SGIP1: variants seen among roughly 807,000 people sequenced by gnomAD.
SGIP1 encodes SH3-containing GRB2-like protein 3-interacting protein 1.
SGIP1 carries 38 observed loss-of-function variants against 107.5 expected under a neutral mutation model. The ratio of observed to expected loss-of-function variants is 0.35; its 90% CI spans 0.27 to 0.46. The LOEUF (loss-of-function observed/expected upper bound fraction) is 0.46, where lower values mean the gene tolerates loss of function less well. Among genes scored for constraint, SGIP1 ranks in the 20% least tolerant of loss-of-function variants. SGIP1 has a pLI of 1.00. For missense variants in SGIP1, 929 were observed against 1,019.5 expected, an observed-to-expected ratio of 0.91 and a Z score of 1.21; for synonymous variants, 365 against 366.1, an observed-to-expected ratio of 1.00 and a Z score of 0.03.
intron 1 of SGIP1, among the ~76,000 whole-genome samples, chr1:66,583,436 G>A (rs139101995): frequency 2.0e-5 from 3 of 152,026 alleles, no homozygotes; most frequent in African/African-American, 4.8e-5. Flanking sequence ...ACGCACTTTC[G>A]TTCTTGTCAA....
chr1:66,682,308 C>T lies in SGIP1; in HGVS notation c.1254C>T (p.Thr418=). 6.2e-7 allele frequency: 1 copy of T among 1,614,220 alleles called. No individual in the cohort carries two copies. The highest frequency in any genetic ancestry group is 8.5e-7 in the Non-Finnish European group (1 of 1,180,028). Residue 418 remains threonine (T), a synonymous_variant, in exon 15 of 25, where the codon ACC becomes ACT. Coordinates refer to ENST00000371037, the MANE Select transcript of SGIP1 (RefSeq NM_032291.4). ...RATPPPPPPP[T]YRTVVSSPGP... ...CTCCACCTCCCCCACCACCACCCAC[C>T]TACAGGACTGTGGTTTCGTCCCCCG...
At chr1:66,714,583 G>A (rs1363737073) in intron 18 of SGIP1, among the ~76,000 whole-genome samples, 2 of 152,098 alleles carry the variant, frequency 1.3e-5, no homozygotes, top group Non-Finnish European at 2.9e-5. Context: ...GCTGTTTTCA[G>A]GGCAGTTTAT....
chr1:66,587,790 A>G (rs1234519547), intron 1 of SGIP1, among the ~76,000 whole-genome samples: 1 of 152,074 alleles, frequency 6.6e-6, no homozygotes, highest in African/African-American at 2.4e-5. Context: ...TTCTAATTTG[A>G]TCCTCTGTCA....
intron 20 of SGIP1, among the ~76,000 whole-genome samples, chr1:66,732,736 CTT>C (rs150404620): frequency 2.0e-5 from 3 of 150,016 alleles, no homozygotes; most frequent in Non-Finnish European, 4.5e-5. Context: ...AATTTTCTCT[CTT>C]TTTTTTTTAA....
chr1:66,698,117 TGTCA>T (rs1363183112), intron 18 of SGIP1, among the ~76,000 whole-genome samples: 1 of 152,208 alleles, frequency 6.6e-6, no homozygotes, highest in East Asian at 1.9e-4. Flanking sequence ...TAGATATCAT[TGTCA>T]GTCAATGTTT....
intron 1 of SGIP1, among the ~76,000 whole-genome samples, chr1:66,588,004 G>T (rs1372216153): frequency 6.6e-6 from 1 of 151,976 alleles, no homozygotes; most frequent in Non-Finnish European, 1.5e-5. Flanking sequence ...AACAAGAAGG[G>T]CAACAACAAC....
At chr1:66,691,134 C>G (rs1028625828) in intron 17 of SGIP1, among the ~76,000 whole-genome samples, 2 of 152,126 alleles carry the variant, frequency 1.3e-5, no homozygotes, top group Non-Finnish European at 2.9e-5. Context: ...ATGGGATCCC[C>G]GTTCCCCATT....
chr1:66,698,429 A>G (rs2091341829), intron 18 of SGIP1, among the ~76,000 whole-genome samples: 1 of 137,656 alleles, frequency 7.3e-6, no homozygotes, highest in African/African-American at 2.8e-5. Context: ...CCCAGGCTGG[A>G]GTGCAATGGC....
chr1:66,539,797 T>C (rs2054471791), intron 1 of SGIP1, among the ~76,000 whole-genome samples: 1 of 152,202 alleles, frequency 6.6e-6, no homozygotes, highest in Non-Finnish European at 1.5e-5. Flanking sequence ...GCCTTTGCTA[T>C]CATCCTTGTC....
chr1:66,699,414 G>C (rs2091532212), intron 18 of SGIP1, among the ~76,000 whole-genome samples: 1 of 152,098 alleles, frequency 6.6e-6, no homozygotes, highest in African/African-American at 2.4e-5. Flanking sequence ...GTCATCCTCT[G>C]TGCCACCTCA....
At chr1:66,639,942 T>C in intron 5 of SGIP1, 109 bp downstream of exon 5, 1 of 834,186 alleles carries the variant, frequency 1.2e-6, no homozygotes, top group South Asian at 1.7e-5. Flanking sequence ...CTCCATGTCA[T>C]TAGGAAGTGT....
chr1:66,670,233 T>A (rs529807258), intron 9 of SGIP1, among the ~76,000 whole-genome samples: 5 of 152,232 alleles, frequency 3.3e-5, no homozygotes, highest in Non-Finnish European at 7.3e-5. Flanking sequence ...TAATCAAAAC[T>A]CTTAATCTAA....
intron 1 of SGIP1, among the ~76,000 whole-genome samples, chr1:66,588,762 G>A (rs1429361520): frequency 7.0e-6 from 1 of 143,350 alleles, no homozygotes; most frequent in Admixed American, 7.3e-5. Context: ...CTACCCTTTT[G>A]GTTTCACATT....
In SGIP1 at chr1:66,630,801, CGGAAAGAAAGAAAGAAAGAAAGAAAGAA is replaced by C. The variant is rs1477504674; in HGVS notation, c.75-2268_75-2241del. Among the ~76,000 whole-genome samples the C allele has an allele frequency of 1.6e-3, 93 of 58,026 alleles. 9 individuals carry two copies. Among genetic ancestry groups the C allele is most frequent in the East Asian group, 0.012 (15 of 1,220 alleles). The allele number at this position is 58,026 out of a possible 152,430, so 38.1% of individuals were successfully genotyped here. A position where few individuals can be genotyped will look rare whatever the true frequency, so the allele number is the denominator to read the frequency against. ...AGCCTGGGTGACAAGAGCAAAACTC[CGGAAAGAAAGAAAGAAAGAAAGAAAGAA>C]AGAAAGAAAGAAAGAAAGAAAGAAA... On this transcript the variant is annotated intron_variant, in intron 2 of 24. Coordinates refer to ENST00000371037, the MANE Select transcript of SGIP1 (RefSeq NM_032291.4).
chr1:66,537,594 C>A (rs2053929274), intron 1 of SGIP1, among the ~76,000 whole-genome samples: 3 of 151,960 alleles, frequency 2.0e-5, no homozygotes, highest in African/African-American at 7.3e-5. Flanking sequence ...TATTCAGGCT[C>A]TTAGGTGCTA....
At chr1:66,554,451 C>T (rs2057889443) in intron 1 of SGIP1, among the ~76,000 whole-genome samples, 1 of 152,026 alleles carries the variant, frequency 6.6e-6, no homozygotes, top group African/African-American at 2.4e-5. Flanking sequence ...ATGAGCATCC[C>T]TAATCCTAGA....
chr1:66,691,198 T>G (rs1036205968), intron 17 of SGIP1, among the ~76,000 whole-genome samples: 3 of 152,156 alleles, frequency 2.0e-5, no homozygotes, highest in Admixed American at 6.5e-5. Flanking sequence ...GTAAACCACC[T>G]GGCCCATCCC....
rs386367223 is a variant in SGIP1 at position 66,692,173 on chromosome 1, A to AAG, written c.1570+1869_1570+1870dup. ...GAGACTCCATCTCAAAAAAAAAAAA[A>AAG]AGAGAGAGAGAGAATTTGAACTTTG... On this transcript the variant is annotated intron_variant, in intron 17 of 24. Transcript: ENST00000371037. Among the ~76,000 whole-genome samples, 376 of 151,052 alleles carry AAG rather than the reference A, an allele frequency of 2.5e-3. 3 individuals are homozygous for AAG. Among genetic ancestry groups the AAG allele is most frequent in the Non-Finnish European group, 2.6e-3 (173 of 67,742 alleles).
At chr1:66,558,275 A>AG (rs903028137) in intron 1 of SGIP1, among the ~76,000 whole-genome samples, 1 of 151,836 alleles carries the variant, frequency 6.6e-6, no homozygotes, top group Admixed American at 6.6e-5. Flanking sequence ...CCATGCTTAG[A>AG]GGGGCCCTAC....
Sources: gnomAD v4.1 joint callset for allele counts (sites outside exome capture counted in the v4.1 genomes callset) on GRCh38, gnomAD v4.1.1 for gene constraint, MANE v1.5 for transcripts, NCBI Gene and HGNC (gene_info 2026-07-23, HGNC 2026-07-21) for gene names.